Variants in ODF2 observed in about 807,000 individuals in gnomAD.
ODF2 encodes the protein outer dense fiber of sperm tails 2.
Under a neutral mutation model 110.2 loss-of-function variants are expected in ODF2, and 47 were observed. The ratio of observed to expected loss-of-function variants is 0.43; its 90% CI spans 0.34 to 0.54. The LOEUF (loss-of-function observed/expected upper bound fraction) is 0.54. Ranked by LOEUF, ODF2 falls within the 20% of genes least tolerant of loss-of-function variation. The pLI is 0.03. For missense variants in ODF2, 812 were observed against 1,054.5 expected (o/e 0.77, Z 3.19); for synonymous variants, 352 against 397.7 (o/e 0.89, Z 1.37).
At chr9:128,480,534 C>T (rs574116295) in intron 8 of ODF2, among the ~76,000 whole-genome samples, 1 of 152,314 alleles carries the variant, frequency 6.6e-6, no homozygotes, top group South Asian at 2.1e-4. Flanking sequence ...AATCAAGTAA[C>T]AGCTGGGCAT....
intron 3 of ODF2, 76 bp from the exon 4 acceptor site, chr9:128,460,866 C>A: frequency 6.3e-7 from 1 of 1,593,328 alleles, no homozygotes; most frequent in Non-Finnish European, 8.6e-7. Context: ...CTCTGCTAGT[C>A]GGAGAGGGAT....
At chr9:128,467,871 G>A (rs1038466064) in intron 4 of ODF2, among the ~76,000 whole-genome samples, 15 of 151,762 alleles carry the variant, frequency 9.9e-5, no homozygotes, top group African/African-American at 3.4e-4. Context: ...TACCACGCCC[G>A]GCTAATTTTT....
chr9:128,461,870 A>G (rs545734708), intron 4 of ODF2, among the ~76,000 whole-genome samples: 42 of 152,302 alleles, frequency 2.8e-4, no homozygotes, highest in Admixed American at 2.6e-3. Flanking sequence ...TACCAGACAA[A>G]GGAGACTCCT....
At chr9:128,500,403 C>CAAAAGCAG in exon 21 of ODF2, 2 of 687,918 alleles carry the variant, frequency 2.9e-6, no homozygotes, top group Non-Finnish European at 4.9e-6. Flanking sequence ...AGAAAAGTCC[C>CAAAAGCAG]AAAAGCAGCA....
At chr9:128,499,409 C>T (rs1564537049) in intron 20 of ODF2, among the ~76,000 whole-genome samples, 1 of 152,150 alleles carries the variant, frequency 6.6e-6, no homozygotes, top group Non-Finnish European at 1.5e-5. Context: ...CCACCCTCAG[C>T]CTCCCAAGTA....
At chr9:128,469,487 A>G (rs1839166521) in intron 5 of ODF2, 134 bp downstream of exon 5, 4 of 871,996 alleles carry the variant, frequency 4.6e-6, no homozygotes, top group Non-Finnish European at 7.3e-6. Context: ...CCCGGGCTTC[A>G]GTTGCCTGCC....
chr9:128,470,039 ATATATAT>A (rs1292700966), intron 5 of ODF2, among the ~76,000 whole-genome samples: 5 of 95,794 alleles, frequency 5.2e-5, no homozygotes, highest in Non-Finnish European at 8.4e-5. Flanking sequence ...ATATATATAT[ATATATAT>A]AAATAAAAAA....
chr9:128,487,865 C>G, intron 13 of ODF2, 25 bp from the exon 14 acceptor site: 2 of 1,612,788 alleles, frequency 1.2e-6, no homozygotes, highest in Non-Finnish European at 1.7e-6. Context: ...TTCTCTCTGT[C>G]TGCTTTCACT....
chr9:128,455,225 A>G, upstream of ODF2: 1 of 1,535,456 alleles, frequency 6.5e-7, no homozygotes, highest in Non-Finnish European at 8.7e-7. Flanking sequence ...CCTCATCAGA[A>G]TAGGTCTGTA....
At chr9:128,483,623 G>A (rs972614372) in intron 10 of ODF2, among the ~76,000 whole-genome samples, 4 of 150,036 alleles carry the variant, frequency 2.7e-5, no homozygotes, top group Admixed American at 1.3e-4. Flanking sequence ...GGTGGCTCAC[G>A]CCTGTAATCC....
At chr9:128,467,543 G>C (rs1216375739) in intron 4 of ODF2, among the ~76,000 whole-genome samples, 1 of 151,696 alleles carries the variant, frequency 6.6e-6, no homozygotes, top group African/African-American at 2.4e-5. Flanking sequence ...TCAGGAGTTC[G>C]AGACCAGCCT....
chr9:128,490,429 T>A (rs1423421636), intron 14 of ODF2, among the ~76,000 whole-genome samples: 3 of 151,808 alleles, frequency 2.0e-5, no homozygotes, highest in Non-Finnish European at 4.4e-5. Flanking sequence ...ATTACAGGCA[T>A]CCACCACCAT....
exon 3 of ODF2, chr9:128,459,647 T>C: frequency 1.2e-6 from 2 of 1,613,272 alleles, no homozygotes; most frequent in Non-Finnish European, 1.7e-6. Flanking sequence ...GCACCCAGTG[T>C]AACTGTGACG....
intron 2 of ODF2, among the ~76,000 whole-genome samples, chr9:128,459,078 C>A (rs1480047996): frequency 6.6e-6 from 1 of 152,160 alleles, no homozygotes; most frequent in African/African-American, 2.4e-5. Context: ...CTCCTGGGCT[C>A]AAGCAATCTG....
At chr9:128,481,471 T>TAAAAA in intron 8 of ODF2, 109 bp from the exon 9 acceptor site, 2 of 668,502 alleles carry the variant, frequency 3.0e-6, no homozygotes, top group Non-Finnish European at 2.3e-6. Flanking sequence ...AGTAAGACTC[T>TAAAAA]AAAAAAAAAA....
exon 5 of ODF2, chr9:128,469,239 G>A (rs755269589): frequency 1.2e-5 from 19 of 1,614,116 alleles, no homozygotes; most frequent in Non-Finnish European, 1.6e-5. Flanking sequence ...TGGTCTCAGT[G>A]ATGCGGTTAA....
intron 18 of ODF2, chr9:128,496,431 C>A: frequency 9.8e-7 from 1 of 1,021,784 alleles, no homozygotes; most frequent in Non-Finnish European, 1.3e-6. Flanking sequence ...GCCAGGAGGG[C>A]CCAGTTTGAA....
chr9:128,474,097 G>C (rs2131818343), intron 8 of ODF2, among the ~76,000 whole-genome samples: 1 of 152,220 alleles, frequency 6.6e-6, no homozygotes, highest in East Asian at 1.9e-4. Flanking sequence ...GTCTCATTTT[G>C]TTTTCTTAAA....
chr9:128,456,521 G>A, intron 1 of ODF2: 2 of 1,525,882 alleles, frequency 1.3e-6, no homozygotes, highest in South Asian at 1.2e-5. Context: ...TGCCGCCCGC[G>A]GGCAGGGCTT....
Sources: gnomAD v4.1 joint callset for allele counts (sites outside exome capture counted in the v4.1 genomes callset) on GRCh38, gnomAD v4.1.1 for gene constraint, MANE v1.5 for transcripts, NCBI Gene and HGNC (gene_info 2026-07-23, HGNC 2026-07-21) for gene names.